Variants in RRP15 observed in about 807,000 individuals in gnomAD.
RRP15 encodes RRP15-like protein.
A neutral mutation model predicts 27.1 loss-of-function variants in RRP15; 18 were observed. That is an observed-to-expected ratio of 0.66 (90% CI 0.46 to 0.98). The LOEUF is 0.98. Among genes scored for constraint, RRP15 ranks in the 50% least tolerant of loss-of-function variants. The probability of loss-of-function intolerance (pLI) is 0.00; values close to 1 mark genes in which losing one functional copy is unlikely to be tolerated. For missense variants in RRP15, 359 were observed against 337.8 expected (o/e 1.06, Z -0.49); for synonymous variants, 107 against 109.4 (o/e 0.98, Z 0.14).
chr1:218,302,088 T>C (rs2102497863), intron 1 of RRP15: 1 of 510,860 alleles, frequency 2.0e-6, no homozygotes, highest in Non-Finnish European at 3.5e-6. Flanking sequence ...CCCCTGTATA[T>C]GTGGCTGGGC....
intron 4 of RRP15, among the ~76,000 whole-genome samples, chr1:218,316,599 T>C (rs1213248983): frequency 6.6e-6 from 1 of 152,188 alleles, no homozygotes; most frequent in Non-Finnish European, 1.5e-5. Context: ...ATGCCTGTTA[T>C]ATATAGTAGT....
intron 1 of RRP15, among the ~76,000 whole-genome samples, chr1:218,293,386 GT>G: frequency 6.6e-6 from 1 of 152,264 alleles, no homozygotes; most frequent in South Asian, 2.1e-4. Flanking sequence ...TGTGGTCTTG[GT>G]TAAACTATTA....
chr1:218,285,335 G>T lies in RRP15; in HGVS notation c.19G>T (p.Asp7Tyr), dbSNP rs759297754. MAAAAPDSRVSEEENLK... is the reference protein window; with the variant it reads MAAAAPYSRVSEEENLK... ...CAGAAAAATGGCAGCCGCCGCTCCG[G>T]ACTCACGTGTGAGTGAGGAAGAAAA... Residue 7 changes from aspartate (D) to tyrosine (Y), a missense_variant, in exon 1 of 5, where the codon GAC becomes TAC. Transcript: ENST00000366932. 2.5e-6 allele frequency: 4 copies of T among 1,614,068 alleles called. No homozygotes were observed. In the East Asian group the frequency reaches 8.9e-5, roughly 36 times the overall value.
At position 218,307,475 on chromosome 1, in the gene RRP15, A is replaced by G. The variant is rs768447193; in HGVS notation, c.548A>G (p.Asn183Ser). 8.1e-6 allele frequency: 13 copies of G among 1,613,864 alleles called. No individual in the cohort carries two copies. Among genetic ancestry groups the G allele is most frequent in the Non-Finnish European group, 9.3e-6 (11 of 1,179,942 alleles). Residue 183 changes from asparagine (N) to serine (S), a missense_variant, in exon 4 of 5, where the codon AAT becomes AGT. Transcript: ENST00000366932. The stretch of plus-strand genomic sequence containing the variant: ...AATGCTGTTCAGAAACATCAAAAGA[A>G]TGTTGATGAAAAGGTTAAGGAAGCT... ...LFNAVQKHQK[N>S]VDEKVKEAGS...
At chr1:218,305,430 C>A (rs1014382560) in intron 3 of RRP15, among the ~76,000 whole-genome samples, 1 of 152,224 alleles carries the variant, frequency 6.6e-6, no homozygotes, top group African/African-American at 2.4e-5. Flanking sequence ...ATTTGTGGCA[C>A]TCAATGATGG....
chr1:218,296,739 A>G (rs1461743011), intron 1 of RRP15, among the ~76,000 whole-genome samples: 2 of 152,090 alleles, frequency 1.3e-5, no homozygotes, highest in Non-Finnish European at 2.9e-5. Flanking sequence ...CATGTTAGCT[A>G]GTTAGTATTA....
At position 218,302,545 on chromosome 1, in the gene RRP15, G is replaced by C. The variant is rs899471482; in HGVS notation, c.391G>C (p.Glu131Gln). 2 of 1,612,308 alleles carry C rather than the reference G, an allele frequency of 1.2e-6. No individual in the cohort carries two copies. Among genetic ancestry groups the C allele is most frequent in the Non-Finnish European group, 1.7e-6 (2 of 1,179,498 alleles). Residue 131 changes from glutamate to glutamine, a missense_variant, in exon 2 of 5, where the codon GAG (glutamate) becomes CAG (glutamine). By Grantham distance (29) the Glu-to-Gln change is conservative. Transcript: ENST00000366932. ...EKEKLKQERL[E>Q]KIKQRDKRLE... is the part of the protein sequence containing the mutation. ...AGAAAAGTTAAAGCAAGAAAGACTA[G>C]AGAAAATAAAACAGGTATGTTCCAC... is the stretch of plus-strand genomic sequence containing the variant.
intron 4 of RRP15, among the ~76,000 whole-genome samples, chr1:218,317,926 G>GGTCT (rs1656116032): frequency 6.6e-6 from 1 of 151,280 alleles, no homozygotes; most frequent in South Asian, 2.1e-4. Flanking sequence ...TAGAGATGGG[G>GGTCT]GTCTCATCAT....
intron 1 of RRP15, among the ~76,000 whole-genome samples, chr1:218,297,504 A>G (rs762593834): frequency 2.0e-5 from 3 of 152,136 alleles, no homozygotes; most frequent in South Asian, 2.1e-4. Flanking sequence ...TTTTATTCCT[A>G]TTTTTACAGA....
chr1:218,290,965 C>CA (rs1056848357), intron 1 of RRP15, among the ~76,000 whole-genome samples: 10 of 151,348 alleles, frequency 6.6e-5, no homozygotes, highest in Admixed American at 3.9e-4. Context: ...CCCGTCACTA[C>CA]AAAAAAAATG....
chr1:218,337,391 A>G lies in RRP15; in HGVS notation c.*6300A>G, dbSNP rs1352936866. 6.6e-6 allele frequency: 1 copy of G among 152,222 alleles called. No individual in the cohort carries two copies. Among genetic ancestry groups the G allele is most frequent in the Non-Finnish European group, 1.5e-5 (1 of 68,038 alleles). 9.4% of individuals were successfully genotyped at this position (152,222 alleles called of 1,614,324 possible). On this transcript the variant is annotated 3_prime_UTR_variant, in exon 5 of 5. Transcript: ENST00000366932. Reference sequence around the variant, plus strand: ...TGATGACAGAAAATGCTGTGTGAACAGTATTATATAGAATTGTTTTTAATA... The same window carrying G: ...TGATGACAGAAAATGCTGTGTGAACGGTATTATATAGAATTGTTTTTAATA...
chr1:218,331,388 T>A lies in RRP15; in HGVS notation c.*297T>A. 1 of 198,656 alleles carries A rather than the reference T, an allele frequency of 5.0e-6. No individual in the cohort carries two copies. 12.3% of individuals were successfully genotyped at this position (198,656 alleles called of 1,614,324 possible). Reference sequence around the variant, plus strand: ...ATTGGTCATGTCTATTGGTGTATTATTTCAGTATCACCAATGTTTTCAGAA... The same window carrying A: ...ATTGGTCATGTCTATTGGTGTATTAATTCAGTATCACCAATGTTTTCAGAA... On this transcript the variant is annotated 3_prime_UTR_variant, in exon 5 of 5. Transcript: ENST00000366932.
At chr1:218,327,805 A>G (rs373742617) in intron 4 of RRP15, among the ~76,000 whole-genome samples, 114 of 152,358 alleles carry the variant, frequency 7.5e-4, no homozygotes, top group Admixed American at 1.3e-3. Context: ...TGAATTTTAC[A>G]TTAGATTTAC....
intron 2 of RRP15, among the ~76,000 whole-genome samples, chr1:218,303,265 T>C (rs1005155645): frequency 7.9e-5 from 12 of 152,234 alleles, no homozygotes; most frequent in African/African-American, 2.9e-4. Flanking sequence ...TCTACAAATG[T>C]ACTGGCAGCA....
intron 2 of RRP15, among the ~76,000 whole-genome samples, chr1:218,304,087 T>C (rs904651311): frequency 2.6e-5 from 4 of 152,216 alleles, no homozygotes; most frequent in Non-Finnish European, 5.9e-5. Context: ...TCTATTACTT[T>C]AGAAAGCTAT....
At chr1:218,300,435 T>C (rs1655794376) in intron 1 of RRP15, among the ~76,000 whole-genome samples, 1 of 152,204 alleles carries the variant, frequency 6.6e-6, no homozygotes, top group Admixed American at 6.5e-5. Context: ...TCATTTTTTG[T>C]TTCATGAATT....
rs1475217134 is a variant in RRP15 at position 218,337,215 on chromosome 1, T to A, written c.*6124T>A. 1 of 152,222 alleles carries A rather than the reference T, an allele frequency of 6.6e-6. No homozygotes were observed. The allele number at this position is 152,222 out of a possible 1,614,324, so 9.4% of individuals were successfully genotyped here. A position where few individuals can be genotyped will look rare whatever the true frequency, so the allele number is the denominator to read the frequency against. On this transcript the variant is annotated 3_prime_UTR_variant, in exon 5 of 5. Transcript: ENST00000366932. ...TTTGGAGGATTAGGTGCTGCACCTA[T>A]AGGTTTCCATTCATTTCTCATCTAT...
rs1348833665 is a variant in RRP15 at position 218,332,750 on chromosome 1, T to G, written c.*1659T>G. Reference sequence around the variant, plus strand: ...ATTCTAACTTTTGAACATTAGTGTCTTTCAGTATAAATAAATGTGAACAAA... The same window carrying G: ...ATTCTAACTTTTGAACATTAGTGTCGTTCAGTATAAATAAATGTGAACAAA... On this transcript the variant is annotated 3_prime_UTR_variant, in exon 5 of 5. Transcript: ENST00000366932. 2.0e-5 allele frequency: 3 copies of G among 152,104 alleles called. No homozygotes were observed. The highest frequency in any genetic ancestry group is 4.4e-5 in the Non-Finnish European group (3 of 68,008). The allele number at this position is 152,104 out of a possible 1,614,324, so 9.4% of individuals were successfully genotyped here.
intron 4 of RRP15, among the ~76,000 whole-genome samples, chr1:218,327,684 T>G (rs948892023): frequency 6.6e-6 from 1 of 152,198 alleles, no homozygotes; most frequent in African/African-American, 2.4e-5. Flanking sequence ...ACAACACTTG[T>G]TTTTATAAAT....
Sources: allele counts gnomAD v4.1 joint callset (sites outside exome capture counted in the v4.1 genomes callset), GRCh38; gene constraint gnomAD v4.1.1; transcripts MANE v1.5; gene names NCBI Gene and HGNC (gene_info 2026-07-23, HGNC 2026-07-21).